MTG2: variants seen among roughly 807,000 people sequenced by gnomAD.
The protein encoded by MTG2 is mitochondrial ribosome-associated GTPase 2.
In MTG2, 23 loss-of-function variants were observed where a neutral mutation model predicts 28.6. The ratio of observed to expected loss-of-function variants is 0.80; its 90% CI spans 0.58 to 1.14. MTG2 has a LOEUF of 1.14. MTG2 is among the 50% of genes most tolerant of loss of function. The probability of loss-of-function intolerance (pLI) is 0.00; values close to 1 mark genes in which losing one functional copy is unlikely to be tolerated. For missense variants in MTG2, 539 were observed against 552.0 expected, an observed-to-expected ratio of 0.98 and a Z score of 0.24; for synonymous variants, 260 against 251.8, an observed-to-expected ratio of 1.03 and a Z score of -0.31.
chr20:62,197,269 T>C (rs1422068940), intron 3 of MTG2: 2 of 151,684 alleles, frequency 1.3e-5, no homozygotes, highest in African/African-American at 4.9e-5. Flanking sequence ...TGGTGGCAGA[T>C]GCCTGTAATC....
Position 62,200,801 on chromosome 20 carries a change from T to C in MTG2, c.945T>C (p.Pro315=). The C allele has an allele frequency of 6.2e-7, 1 of 1,613,910 alleles. No homozygotes were observed. Among genetic ancestry groups the C allele is most frequent in the Non-Finnish European group, 8.5e-7 (1 of 1,180,036 alleles). Reference sequence around the variant, plus strand: ...TGTTCGTGGTGGATCTTTCTCAGCCTGAGCCGTGGACTCAAGTTGACGATT... The same window carrying C: ...TGTTCGTGGTGGATCTTTCTCAGCCCGAGCCGTGGACTCAAGTTGACGATT... The part of the protein sequence containing the change: ...FLLFVVDLSQ[P]EPWTQVDDLK... The change falls in exon 7 of 7, where the codon CCT becomes CCC. Residue 315 remains proline, a synonymous_variant. Transcript: ENST00000370823.
At position 62,197,884 on chromosome 20, in the gene MTG2, C is replaced by T; in HGVS notation, c.385C>T (p.Leu129=). 1 of 1,614,210 alleles carries T rather than the reference C, an allele frequency of 6.2e-7. No individual in the cohort carries two copies. Among genetic ancestry groups the T allele is most frequent in the South Asian group, 1.1e-5 (1 of 91,084 alleles). ...DQQVKSLSSV[L]SRYQGFSGED... Reference sequence around the variant, plus strand: ...GCAAGTCAAGTCCCTGTCGTCGGTCCTGTCGCGGTACCAGGGTTTCAGTGG... The same window carrying T: ...GCAAGTCAAGTCCCTGTCGTCGGTCTTGTCGCGGTACCAGGGTTTCAGTGG... Residue 129 remains leucine, a synonymous_variant, in exon 4 of 7, where the codon CTG becomes TTG. Coordinates refer to ENST00000370823, the MANE Select transcript of MTG2 (RefSeq NM_015666.4).
chr20:62,194,694 G>C (rs2058027836), intron 2 of MTG2, among the ~76,000 whole-genome samples: 1 of 152,156 alleles, frequency 6.6e-6, no homozygotes, highest in Non-Finnish European at 1.5e-5. Context: ...GGAGTGCAGA[G>C]GCAGCAGCCC....
rs1047154 is a variant in MTG2 at position 62,203,152 on chromosome 20, G to T, written c.*2075G>T. ...GTTAATTATCCCTGGCTTTCATCTT[G>T]ATGCTCTTGCAGGGGAGGCTCAAGA... On this transcript the variant is annotated 3_prime_UTR_variant, in exon 7 of 7. Transcript: ENST00000370823. 39,291 of 152,144 alleles carry T rather than the reference G, an allele frequency of 0.26. 5,339 individuals carry two copies. The highest frequency in any genetic ancestry group is 0.39 in the South Asian group (1,883 of 4,824). The allele number at this position is 152,144 out of a possible 1,614,324, so 9.4% of individuals were successfully genotyped here.
chr20:62,187,803 T>C (rs2057877129), intron 1 of MTG2, among the ~76,000 whole-genome samples: 1 of 152,246 alleles, frequency 6.6e-6, no homozygotes, highest in Admixed American at 6.5e-5. Context: ...ATGTTATTGT[T>C]GTCTCTTTAT....
chr20:62,192,882 C>T (rs1361314179), intron 1 of MTG2, among the ~76,000 whole-genome samples: 11 of 152,126 alleles, frequency 7.2e-5, no homozygotes, highest in Admixed American at 5.9e-4. Context: ...CAGCTCAGCC[C>T]GTCCTCACCC....
chr20:62,193,634 C>T lies in MTG2; in HGVS notation c.204+10C>T. 2.5e-6 allele frequency: 4 copies of T among 1,603,204 alleles called. No individual in the cohort carries two copies. The highest frequency in any genetic ancestry group is 3.4e-6 in the Non-Finnish European group (4 of 1,175,286). On this transcript the variant is annotated intron_variant, in intron 2 of 6. Transcript: ENST00000370823. ...CTCTGAGAAAAAGCTGGTGAGACTC[C>T]TGGAGTTAGAGCAGCTTGCCTGTCT...
chr20:62,198,434 G>A (rs74669216), intron 4 of MTG2, among the ~76,000 whole-genome samples, 200 bp from the exon 5 acceptor site: 4,879 of 152,314 alleles, frequency 0.032, 112 homozygotes, highest in Non-Finnish European at 0.05. Context: ...GGGTGTGTAC[G>A]CAGCCCCGTG....
At chr20:62,199,022 G>A (rs2058112015) in intron 5 of MTG2, 97 bp from the exon 6 acceptor site, 3 of 1,579,444 alleles carry the variant, frequency 1.9e-6, no homozygotes, top group African/African-American at 2.7e-5. Context: ...GACTCCCCCA[G>A]CCCTGAAATC....
intron 2 of MTG2, among the ~76,000 whole-genome samples, chr20:62,195,197 A>G (rs1483102032): frequency 1.3e-5 from 2 of 152,182 alleles, no homozygotes; most frequent in African/African-American, 2.4e-5. Flanking sequence ...CTCTGCCTCA[A>G]AAAAAACCAC....
chr20:62,191,460 A>G (rs2057957491), intron 1 of MTG2, among the ~76,000 whole-genome samples: 1 of 152,160 alleles, frequency 6.6e-6, no homozygotes, highest in Non-Finnish European at 1.5e-5. Flanking sequence ...TTCAGGAGGA[A>G]GTTCTTTGTA....
rs551324500 is a variant in MTG2, at chr20:62,199,746, G to A, written c.826+489G>A. 8.8e-4 allele frequency among the ~76,000 whole-genome samples: 122 copies of A among 138,784 alleles called. 1 individual carries two copies. The highest frequency in any genetic ancestry group is 3.2e-3 in the African/African-American group (120 of 37,556). The allele number at this position is 138,784 out of a possible 152,430, so 91.0% of individuals were successfully genotyped here. On this transcript the variant is annotated intron_variant, in intron 6 of 6. Transcript: ENST00000370823. ...GTCTCACTCTGTCACCCTGGCTGGA[G>A]TGCAGTGGTGCGATCTCAGCTCACT... is the stretch of plus-strand genomic sequence containing the variant.
chr20:62,185,430 A>G (rs1166816799), intron 1 of MTG2, among the ~76,000 whole-genome samples: 1 of 151,260 alleles, frequency 6.6e-6, no homozygotes, highest in Non-Finnish European at 1.5e-5. Context: ...AAAAATAAAA[A>G]ATAAAAAATA....
rs773526454 is a variant in MTG2 at position 62,200,753 on chromosome 20, C to T, written c.897C>T (p.His299=). ...GTCTGGGGTCCGCCTTCCTCAGGCA[C>T]ATCGAGCGCTGCCGCTTTCTCTTGT... is the stretch of plus-strand genomic sequence containing the variant. The part of the protein sequence containing the change: ...NRGLGSAFLR[H]IERCRFLLFV... The change falls in exon 7 of 7, where the codon CAC becomes CAT. Residue 299 remains histidine (H), a synonymous_variant. Transcript: ENST00000370823. 2.1e-5 allele frequency: 34 copies of T among 1,613,540 alleles called. No individual in the cohort carries two copies. Among genetic ancestry groups the T allele is most frequent in the Non-Finnish European group, 2.8e-5 (33 of 1,180,042 alleles).
At chr20:62,183,777 G>T (rs1412257018) in intron 1 of MTG2, among the ~76,000 whole-genome samples, 1 of 152,234 alleles carries the variant, frequency 6.6e-6, no homozygotes, top group African/African-American at 2.4e-5. Flanking sequence ...CGGGAAAGGA[G>T]AATTCAAATT....
chr20:62,203,126 C>A lies in MTG2; in HGVS notation c.*2049C>A, dbSNP rs1422063040. The A allele has an allele frequency of 6.6e-6, 1 of 152,238 alleles. No homozygotes were observed. The highest frequency in any genetic ancestry group is 2.4e-5 in the African/African-American group (1 of 41,460). 9.4% of individuals were successfully genotyped at this position (152,238 alleles called of 1,614,324 possible). A position where few individuals can be genotyped will look rare whatever the true frequency, so the allele number is the denominator to read the frequency against. ...TGTGGAGTCGCCCCAGGCCTGACGG[C>A]GTTAATTATCCCTGGCTTTCATCTT... On this transcript the variant is annotated 3_prime_UTR_variant, in exon 7 of 7. Coordinates refer to ENST00000370823, the MANE Select transcript of MTG2 (RefSeq NM_015666.4).
At position 62,198,711 on chromosome 20, in the gene MTG2, C is replaced by T. The variant is rs774537216; in HGVS notation, c.546C>T (p.Ala182=). 7.4e-6 allele frequency: 12 copies of T among 1,614,026 alleles called. No individual in the cohort carries two copies. Among genetic ancestry groups the T allele is most frequent in the South Asian group, 2.2e-5 (2 of 91,090 alleles). Residue 182 remains alanine, a synonymous_variant, in exon 5 of 7, where the codon GCC becomes GCT. Coordinates refer to ENST00000370823, the MANE Select transcript of MTG2 (RefSeq NM_015666.4). ...DLSCVGDEYI[A]ALGGAGGKGN... ...CTTGCGTGGGAGATGAGTACATTGC[C>T]GCGCTGGGCGGGGCAGGAGGGAAAG...
intron 1 of MTG2, among the ~76,000 whole-genome samples, chr20:62,192,374 C>T (rs978315499): frequency 2.6e-5 from 4 of 152,182 alleles, no homozygotes; most frequent in Non-Finnish European, 4.4e-5. Context: ...GGGGCACGGG[C>T]GAGGCCCAGA....
rs112442787 is a variant in MTG2, at chr20:62,201,005, G to A, written c.1149G>A (p.Leu383=). 1 of 1,613,330 alleles carries A rather than the reference G, an allele frequency of 6.2e-7. No homozygotes were observed. The highest frequency in any genetic ancestry group is 8.5e-7 in the Non-Finnish European group (1 of 1,179,986). The change falls in exon 7 of 7, where the codon TTG becomes TTA. Residue 383 remains leucine (L), a synonymous_variant. Transcript: ENST00000370823. ...LTGENLEQLL[L]HLKVLYDAYA... The stretch of plus-strand genomic sequence containing the variant: ...GCGAGAACCTGGAGCAGCTGCTGTT[G>A]CACCTGAAGGTGCTGTATGACGCCT...
Sources: gnomAD v4.1 joint callset for allele counts (sites outside exome capture counted in the v4.1 genomes callset) on GRCh38, gnomAD v4.1.1 for gene constraint, MANE v1.5 for transcripts, NCBI Gene and HGNC (gene_info 2026-07-23, HGNC 2026-07-21) for gene names.